Variants in SH3D21 observed in about 807,000 individuals in gnomAD.
The protein encoded by SH3D21 is SH3 domain-containing protein 21.
Under a neutral mutation model 82.1 loss-of-function variants are expected in SH3D21, and 83 were observed. The observed-to-expected ratio is 1.01, with a 90% CI of 0.85 to 1.21. The LOEUF (loss-of-function observed/expected upper bound fraction) is 1.21. Ranked by LOEUF, SH3D21 falls within the 50% of genes most tolerant of loss-of-function variation. SH3D21 has a pLI of 0.00. For missense variants in SH3D21, 980 were observed against 962.1 expected, an observed-to-expected ratio of 1.02 and a Z score of -0.25; for synonymous variants, 383 against 387.8, an observed-to-expected ratio of 0.99 and a Z score of 0.15.
intron 9 of SH3D21, among the ~76,000 whole-genome samples, chr1:36,308,945 C>G (rs1646184600): frequency 6.6e-6 from 1 of 150,708 alleles, no homozygotes; most frequent in African/African-American, 2.4e-5. Context: ...GAGCAAGACT[C>G]TATCTCAAAA....
In SH3D21 at chr1:36,306,799, C is replaced by T. The variant is rs962423033; in HGVS notation, c.163-43C>T. Reference sequence around the variant, plus strand: ...CGGGCTGTGGGGTCTCAGCGCGCGCCCCCCGGGAGCTGAGAGCGCCTTCCC... The same window carrying T: ...CGGGCTGTGGGGTCTCAGCGCGCGCTCCCCGGGAGCTGAGAGCGCCTTCCC... On this transcript the variant is annotated intron_variant, in intron 2 of 15. Transcript: ENST00000453908. The surrounding 1 kb of genome is among the most constrained non-coding windows in gnomAD (Gnocchi z 4.5). The T allele has an allele frequency of 3.9e-6, 5 of 1,291,816 alleles. No individual in the cohort carries two copies. The highest frequency in any genetic ancestry group is 3.1e-5 in the African/African-American group (2 of 64,634). The allele number at this position is 1,291,816 out of a possible 1,614,324, so 80.0% of individuals were successfully genotyped here. A position where few individuals can be genotyped will look rare whatever the true frequency, so the allele number is the denominator to read the frequency against.
chr1:36,313,690 G>A lies in SH3D21; in HGVS notation c.769+4100G>A, dbSNP rs11811625. 3.2e-3 allele frequency among the ~76,000 whole-genome samples: 492 copies of A among 151,832 alleles called. 4 individuals are homozygous for A. Among genetic ancestry groups the A allele is most frequent in the African/African-American group, 0.011 (471 of 41,388 alleles). On this transcript the variant is annotated intron_variant, in intron 10 of 15. Transcript: ENST00000453908. ...AGTGATCCTCCCACTTCAGCCTCCCGAGTAGCTAGGACTATAGGTGTGCAC... is the reference window on the plus strand; with the variant it reads ...AGTGATCCTCCCACTTCAGCCTCCCAAGTAGCTAGGACTATAGGTGTGCAC...
chr1:36,313,327 CAATAAATAAATA>C (rs60993866), intron 10 of SH3D21, among the ~76,000 whole-genome samples: 9 of 142,514 alleles, frequency 6.3e-5, no homozygotes, highest in Non-Finnish European at 1.5e-5. Flanking sequence ...CTCTGTCTCA[CAATAAATAAATA>C]AATAAATAAA....
At chr1:36,324,852 CTG>C (rs1413928134), downstream of SH3D21, 1 of 152,116 alleles carries the variant, frequency 6.6e-6, no homozygotes, top group East Asian at 1.9e-4. Context: ...GCGGGTATGT[CTG>C]TATATAAATC....
In SH3D21 at chr1:36,321,261, CCTGCGCGGGGG is replaced by C; in HGVS notation, c.*136_*146del. The C allele has an allele frequency of 2.0e-6, 3 of 1,464,706 alleles. No individual in the cohort carries two copies. In the East Asian group the frequency reaches 7.4e-5, roughly 36 times the overall value. The allele number at this position is 1,464,706 out of a possible 1,614,324, so 90.7% of individuals were successfully genotyped here. A position where few individuals can be genotyped will look rare whatever the true frequency, so the allele number is the denominator to read the frequency against. The stretch of plus-strand genomic sequence containing the variant: ...GCCGGTCTGGTCGCTGGGGGCGGGG[CCTGCGCGGGGG>C]CAGGGCCTGGGCCTCCGCATTCCTG... On this transcript the variant is annotated 3_prime_UTR_variant, in exon 16 of 16. Coordinates refer to ENST00000453908, the MANE Select transcript of SH3D21 (RefSeq NM_001162530.2). This position sits in a 1 kb window ranked among gnomAD's most constrained non-coding sequence, Gnocchi z 6.1.
downstream of SH3D21, among the ~76,000 whole-genome samples, chr1:36,327,159 T>C (rs1006905355): frequency 1.4e-5 from 2 of 145,010 alleles, no homozygotes; most frequent in African/African-American, 2.5e-5. Flanking sequence ...CCATGTGTGA[T>C]TGGGCTGAGA....
chr1:36,311,293 T>C (rs1374196583), intron 10 of SH3D21, among the ~76,000 whole-genome samples: 1 of 152,116 alleles, frequency 6.6e-6, no homozygotes, highest in Non-Finnish European at 1.5e-5. Context: ...CAGGCTGGAA[T>C]GCAGTGGCGC....
At chr1:36,322,993 C>T, downstream of SH3D21, 3 of 1,605,520 alleles carry the variant, frequency 1.9e-6, no homozygotes, top group Non-Finnish European at 1.7e-6. Context: ...CGTAGGCAGC[C>T]AGGCTGTTGC....
At chr1:36,308,522 G>T (rs768207441) in intron 9 of SH3D21, 47 bp downstream of exon 9, 1 of 1,505,420 alleles carries the variant, frequency 6.6e-7, no homozygotes, top group South Asian at 1.2e-5. Flanking sequence ...AGGCTATTTT[G>T]GACAAAGGTG....
downstream of SH3D21, chr1:36,328,198 G>A (rs764795340): frequency 2.7e-5 from 12 of 450,968 alleles, no homozygotes; most frequent in Admixed American, 1.4e-4. Flanking sequence ...TTGGGGGGCC[G>A]AGAGATCCAG....
Position 36,307,479 on chromosome 1 carries a change from G to A in SH3D21, c.346-38G>A, listed in dbSNP as rs766015342. The stretch of plus-strand genomic sequence containing the variant: ...GCAGATTATCCTAGGGACTCTTGGG[G>A]CAGAACCAGACGCCTCTGCGTCCTC... On this transcript the variant is annotated intron_variant, in intron 4 of 15. Coordinates refer to ENST00000453908, the MANE Select transcript of SH3D21 (RefSeq NM_001162530.2). The surrounding 1 kb of genome is among the most constrained non-coding windows in gnomAD (Gnocchi z 5.4). 7.1e-6 allele frequency: 11 copies of A among 1,547,514 alleles called. No individual in the cohort carries two copies. The highest frequency in any genetic ancestry group is 1.4e-5 in the African/African-American group (1 of 72,956).
chr1:36,328,130 G>C (rs1449640823), downstream of SH3D21: 3 of 457,188 alleles, frequency 6.6e-6, no homozygotes, highest in Non-Finnish European at 1.3e-5. Flanking sequence ...TGTCACCTTG[G>C]AAAGCACGGA....
intron 9 of SH3D21, among the ~76,000 whole-genome samples, chr1:36,309,009 T>G (rs1646186487): frequency 1.3e-5 from 2 of 152,000 alleles, no homozygotes; most frequent in South Asian, 4.1e-4. Flanking sequence ...AACACGAAAT[T>G]CATTTATGTT....
intron 10 of SH3D21, among the ~76,000 whole-genome samples, chr1:36,312,375 G>A (rs1220180479): frequency 6.6e-6 from 1 of 152,156 alleles, no homozygotes; most frequent in Non-Finnish European, 1.5e-5. Flanking sequence ...AGGTATCTCA[G>A]AGTTTTTATT....
At chr1:36,321,629 C>G, downstream of SH3D21, 1 of 1,010,468 alleles carries the variant, frequency 9.9e-7, no homozygotes. This position sits in a 1 kb window ranked among gnomAD's most constrained non-coding sequence, Gnocchi z 6.1. Flanking sequence ...ACGTGAAGTC[C>G]ACCGTCCAGC....
intron 10 of SH3D21, among the ~76,000 whole-genome samples, chr1:36,313,677 A>AC (rs1646282870): frequency 6.6e-6 from 1 of 151,872 alleles, no homozygotes; most frequent in South Asian, 2.1e-4. Flanking sequence ...TGATCCTCCC[A>AC]CTTCAGCCTC....
downstream of SH3D21, among the ~76,000 whole-genome samples, chr1:36,327,397 C>T (rs1290964110): frequency 1.3e-5 from 2 of 152,154 alleles, no homozygotes; most frequent in African/African-American, 4.8e-5. Flanking sequence ...TGTATGACTA[C>T]GTGTGTTGTG....
At chr1:36,329,967 C>T (rs747779004), downstream of SH3D21, among the ~76,000 whole-genome samples, 1 of 152,182 alleles carries the variant, frequency 6.6e-6, no homozygotes, top group South Asian at 2.1e-4. Flanking sequence ...CCCCCACTGC[C>T]GCCCTGCACT....
At chr1:36,318,466 G>C (rs1274741381) in intron 10 of SH3D21, among the ~76,000 whole-genome samples, 1 of 152,084 alleles carries the variant, frequency 6.6e-6, no homozygotes, top group Non-Finnish European at 1.5e-5. Flanking sequence ...AAATGAGAGA[G>C]AATATAAAGA....
Sources: allele counts gnomAD v4.1 joint callset (sites outside exome capture counted in the v4.1 genomes callset), GRCh38; gene constraint gnomAD v4.1.1; non-coding constraint Gnocchi (gnomAD v3.1); transcripts MANE v1.5; gene names NCBI Gene and HGNC (gene_info 2026-07-23, HGNC 2026-07-21).